ASIC2: variants seen among roughly 807,000 people sequenced by gnomAD.
ASIC2 encodes the protein acid sensing ion channel subunit 2.
Under a neutral mutation model 57.3 loss-of-function variants are expected in ASIC2, and 25 were observed. The ratio of observed to expected loss-of-function variants is 0.44; its 90% CI spans 0.32 to 0.61. The LOEUF (loss-of-function observed/expected upper bound fraction) is 0.61, where lower values mean the gene tolerates loss of function less well. Ranked by LOEUF, ASIC2 falls within the 20% of genes least tolerant of loss-of-function variation. The pLI, the probability that ASIC2 is intolerant of heterozygous loss-of-function variation, is 0.06. For synonymous variants in ASIC2, 319 were observed against 307.5 expected, an observed-to-expected ratio of 1.04 and a Z score of -0.39; for missense variants, 641 against 738.1, an observed-to-expected ratio of 0.87 and a Z score of 1.52.
intron 1 of ASIC2, among the ~76,000 whole-genome samples, chr17:34,006,996 G>A (rs1052214593): frequency 6.6e-5 from 10 of 152,182 alleles, no homozygotes; most frequent in Admixed American, 1.3e-4. Context: ...GCCTAGAGGA[G>A]TGGGAAACCA....
intron 1 of ASIC2, among the ~76,000 whole-genome samples, chr17:33,590,580 C>T (rs143518110): frequency 2.5e-3 from 378 of 150,518 alleles, no homozygotes; most frequent in African/African-American, 8.7e-3. Context: ...CACCACACCC[C>T]AATCTCTATA....
intron 3 of ASIC2, among the ~76,000 whole-genome samples, chr17:33,083,759 G>A (rs2092123327): frequency 6.6e-6 from 1 of 152,176 alleles, no homozygotes; most frequent in Non-Finnish European, 1.5e-5. Flanking sequence ...ACAGGCAGAT[G>A]AGGAGGTTGG....
intron 1 of ASIC2, among the ~76,000 whole-genome samples, chr17:33,941,357 T>A (rs1916188848): frequency 6.6e-6 from 1 of 151,760 alleles, no homozygotes; most frequent in African/African-American, 2.4e-5. Flanking sequence ...GAACCCAGAG[T>A]GGTGGCAAAA....
At chr17:34,128,763 A>C (rs1175222848) in intron 1 of ASIC2, among the ~76,000 whole-genome samples, 3 of 152,138 alleles carry the variant, frequency 2.0e-5, no homozygotes, top group African/African-American at 7.2e-5. Flanking sequence ...TTTTCTACAG[A>C]AAGTTTGGGG....
chr17:34,138,978 A>T (rs1470476882), intron 1 of ASIC2, among the ~76,000 whole-genome samples: 1 of 152,204 alleles, frequency 6.6e-6, no homozygotes, highest in African/African-American at 2.4e-5. Context: ...ATGAGTGAAA[A>T]TTCTTCCTTA....
intron 1 of ASIC2, among the ~76,000 whole-genome samples, chr17:33,593,318 G>C (rs1352456801): frequency 6.6e-6 from 1 of 152,054 alleles, no homozygotes; most frequent in Non-Finnish European, 1.5e-5. Context: ...CGAGATGCCT[G>C]TTCACTGCTG....
At chr17:34,010,661 A>G (rs1236304280) in intron 1 of ASIC2, among the ~76,000 whole-genome samples, 2 of 152,030 alleles carry the variant, frequency 1.3e-5, no homozygotes, top group East Asian at 1.9e-4. Context: ...ACAGACACCC[A>G]CCCACACACA....
At chr17:34,040,090 C>A (rs1370529366) in intron 1 of ASIC2, among the ~76,000 whole-genome samples, 1 of 137,582 alleles carries the variant, frequency 7.3e-6, no homozygotes, top group African/African-American at 3.0e-5. Flanking sequence ...CGCAGATCCC[C>A]GGGCTCGCGT....
intron 1 of ASIC2, among the ~76,000 whole-genome samples, chr17:34,099,961 G>T (rs1480104734): frequency 6.6e-6 from 1 of 152,094 alleles, no homozygotes; most frequent in Non-Finnish European, 1.5e-5. Flanking sequence ...TATTGGGAAA[G>T]CAAAGGGAAT....
intron 1 of ASIC2, among the ~76,000 whole-genome samples, chr17:33,650,740 G>C (rs1261893329): frequency 6.6e-6 from 1 of 152,156 alleles, no homozygotes; most frequent in African/African-American, 2.4e-5. Flanking sequence ...AAGGTTACAT[G>C]CTGTATGATT....
intron 1 of ASIC2, among the ~76,000 whole-genome samples, chr17:33,316,736 GT>G (rs1906672169): frequency 6.6e-6 from 1 of 152,196 alleles, no homozygotes; most frequent in Non-Finnish European, 1.5e-5. Flanking sequence ...CAGTAATTGT[GT>G]TTACTGATCA....
intron 1 of ASIC2, among the ~76,000 whole-genome samples, chr17:33,716,900 G>A (rs1463074741): frequency 6.6e-6 from 1 of 152,178 alleles, no homozygotes; most frequent in Non-Finnish European, 1.5e-5. Flanking sequence ...CTTCAATATA[G>A]CATGTGCTCA....
intron 1 of ASIC2, among the ~76,000 whole-genome samples, chr17:33,435,541 C>T (rs1021069329): frequency 6.6e-6 from 1 of 152,136 alleles, no homozygotes; most frequent in African/African-American, 2.4e-5. Flanking sequence ...CCCACTGCCG[C>T]CATACAAATA....
Position 33,640,463 on chromosome 17 carries a change from C to T in ASIC2, c.555+515515G>A, listed in dbSNP as rs372642709. On this transcript the variant is annotated intron_variant, in intron 1 of 9. Coordinates refer to the ASIC2 transcript ENST00000359872. ...AACCACAAAGCACCTCCTGATCCAC[C>T]TGGATTAGACAGCCAATCTCACAGA... is the stretch of plus-strand genomic sequence containing the variant. Among the ~76,000 whole-genome samples, 85 of 152,338 alleles carry T rather than the reference C, an allele frequency of 5.6e-4. No homozygotes were observed. In the East Asian group the frequency reaches 7.5e-3, roughly 13 times the overall value.
chr17:34,010,537 T>C (rs868061335), intron 1 of ASIC2, among the ~76,000 whole-genome samples: 4 of 152,178 alleles, frequency 2.6e-5, no homozygotes, highest in Non-Finnish European at 4.4e-5. Context: ...TGTGTTGACG[T>C]TGGCCTAGAT....
At chr17:34,126,117 G>C (rs935310860) in intron 1 of ASIC2, among the ~76,000 whole-genome samples, 1 of 152,218 alleles carries the variant, frequency 6.6e-6, no homozygotes, top group Admixed American at 6.5e-5. Flanking sequence ...GCAAGACATA[G>C]AGGACCCAGT....
intron 1 of ASIC2, among the ~76,000 whole-genome samples, chr17:33,312,839 G>A (rs1300231819): frequency 6.6e-6 from 1 of 152,176 alleles, no homozygotes; most frequent in Non-Finnish European, 1.5e-5. Context: ...GGGAAGCCGA[G>A]GCAGGAGAAT....
At chr17:33,721,724 C>CT (rs1341818380) in intron 1 of ASIC2, among the ~76,000 whole-genome samples, 4 of 152,200 alleles carry the variant, frequency 2.6e-5, no homozygotes. Flanking sequence ...AGAGAAGACC[C>CT]TTTGAGAAGA....
At chr17:33,444,486 A>C (rs1911941052) in intron 1 of ASIC2, among the ~76,000 whole-genome samples, 3 of 152,212 alleles carry the variant, frequency 2.0e-5, no homozygotes, top group Non-Finnish European at 4.4e-5. Flanking sequence ...TCTACTAGAA[A>C]ATACAAACAC....
Sources: allele counts gnomAD v4.1 joint callset (sites outside exome capture counted in the v4.1 genomes callset), GRCh38; gene constraint gnomAD v4.1.1; transcripts MANE v1.5; gene names NCBI Gene and HGNC (gene_info 2026-07-23, HGNC 2026-07-21).